The following WWTR1 variants were observed in gnomAD, a reference collection of about 807,000 sequenced individuals.
WWTR1 encodes WW domain-containing transcription regulator protein 1.
Under a neutral mutation model 40.1 loss-of-function variants are expected in WWTR1, and 13 were observed. The observed-to-expected ratio is 0.32, with a 90% CI of 0.21 to 0.52. The LOEUF is 0.52. Ranked by LOEUF, WWTR1 falls within the 20% of genes least tolerant of loss-of-function variation. The pLI is 0.97. For missense variants in WWTR1, 436 were observed against 523.1 expected (o/e 0.83, Z 1.63); for synonymous variants, 230 against 210.1 (o/e 1.09, Z -0.82).
At chr3:149,591,305 C>T (rs941009363) in intron 2 of WWTR1, among the ~76,000 whole-genome samples, 2 of 152,154 alleles carry the variant, frequency 1.3e-5, no homozygotes, top group South Asian at 2.1e-4. Context: ...TTCTTAAGGC[C>T]CTGCCACTTG....
chr3:149,521,527 C>T (rs1735045118), intron 6 of WWTR1, among the ~76,000 whole-genome samples: 1 of 152,184 alleles, frequency 6.6e-6, no homozygotes, highest in South Asian at 2.1e-4. Flanking sequence ...CTGCCTTTCT[C>T]ACAAGCATAT....
At chr3:149,580,894 G>A (rs1395287197) in intron 2 of WWTR1, among the ~76,000 whole-genome samples, 1 of 152,208 alleles carries the variant, frequency 6.6e-6, no homozygotes, top group South Asian at 2.1e-4. Context: ...TTATAGGCGT[G>A]AGCCACCGCG....
At chr3:149,586,799 A>G (rs574203603) in intron 2 of WWTR1, among the ~76,000 whole-genome samples, 30 of 152,328 alleles carry the variant, frequency 2.0e-4, no homozygotes, top group African/African-American at 7.2e-4. Flanking sequence ...TGAGCTGATC[A>G]CCAGTGATGA....
At chr3:149,646,494 A>T (rs905100161) in intron 2 of WWTR1, among the ~76,000 whole-genome samples, 2 of 152,246 alleles carry the variant, frequency 1.3e-5, no homozygotes, top group African/African-American at 2.4e-5. Context: ...TTCATAGGCC[A>T]GTTATAATTC....
chr3:149,555,500 G>A (rs561765946), intron 3 of WWTR1, among the ~76,000 whole-genome samples: 64 of 149,950 alleles, frequency 4.3e-4, no homozygotes, highest in African/African-American at 1.4e-3. Context: ...AAAAAAAAAC[G>A]AAAGAAGAAT....
At chr3:149,542,585 C>T in intron 3 of WWTR1, 48 bp from the exon 4 acceptor site, 1 of 1,530,762 alleles carries the variant, frequency 6.5e-7, no homozygotes, top group East Asian at 2.3e-5. Flanking sequence ...CCCACAATAC[C>T]TTATCAAAAA....
intron 2 of WWTR1, among the ~76,000 whole-genome samples, chr3:149,588,477 C>G (rs1249924567): frequency 1.3e-5 from 2 of 152,136 alleles, no homozygotes; most frequent in African/African-American, 2.4e-5. Flanking sequence ...TTGTTTCTAT[C>G]TTTAGTGTAT....
intron 1 of WWTR1, among the ~76,000 whole-genome samples, chr3:149,699,566 T>C (rs1226366460): frequency 6.6e-6 from 1 of 152,178 alleles, no homozygotes; most frequent in African/African-American, 2.4e-5. Context: ...GTGCTGGGAT[T>C]ACAGGCATGA....
At chr3:149,540,710 C>T (rs564529460) in intron 4 of WWTR1, among the ~76,000 whole-genome samples, 55 of 152,046 alleles carry the variant, frequency 3.6e-4, no homozygotes, top group Middle Eastern at 3.4e-3. Flanking sequence ...CTGAAATAAC[C>T]GTGAAAGTTC....
chr3:149,599,085 C>T (rs1739129898), intron 2 of WWTR1, among the ~76,000 whole-genome samples: 1 of 152,166 alleles, frequency 6.6e-6, no homozygotes, highest in African/African-American at 2.4e-5. Flanking sequence ...GGTAAAGATT[C>T]CAAAATGGCA....
At chr3:149,693,730 AC>A (rs1417489649) in intron 1 of WWTR1, among the ~76,000 whole-genome samples, 2 of 152,216 alleles carry the variant, frequency 1.3e-5, no homozygotes, top group Non-Finnish European at 2.9e-5. Context: ...GGTACCAAGA[AC>A]ATACACTGGG....
chr3:149,610,847 T>C (rs922408604), intron 2 of WWTR1, among the ~76,000 whole-genome samples: 2 of 152,104 alleles, frequency 1.3e-5, no homozygotes, highest in African/African-American at 4.8e-5. Flanking sequence ...CTGCTGTTCA[T>C]AAGAAGCCTT....
At chr3:149,594,936 T>C (rs1738913051) in intron 2 of WWTR1, among the ~76,000 whole-genome samples, 1 of 146,498 alleles carries the variant, frequency 6.8e-6, no homozygotes, top group Non-Finnish European at 1.5e-5. Flanking sequence ...ATATTGCCTA[T>C]AACCTCTTTT....
chr3:149,539,347 T>A (rs1735979507), intron 4 of WWTR1, among the ~76,000 whole-genome samples: 1 of 152,228 alleles, frequency 6.6e-6, no homozygotes, highest in Non-Finnish European at 1.5e-5. Context: ...TAAATTCATC[T>A]ACTTATTAAA....
chr3:149,661,265 T>A (rs1482994613), upstream of WWTR1: 2 of 152,328 alleles, frequency 1.3e-5, no homozygotes, highest in Non-Finnish European at 2.9e-5. Context: ...TGCAAACACA[T>A]CAGTGACCAC....
chr3:149,680,678 A>AAAT (rs946834060), intron 1 of WWTR1, among the ~76,000 whole-genome samples: 2 of 152,096 alleles, frequency 1.3e-5, no homozygotes, highest in Non-Finnish European at 2.9e-5. Context: ...TAAAAAAAAA[A>AAAT]AAATGAAAAA....
chr3:149,706,109 T>C (rs557496921), upstream of WWTR1, among the ~76,000 whole-genome samples: 19 of 152,234 alleles, frequency 1.2e-4, no homozygotes, highest in East Asian at 2.5e-3. Flanking sequence ...GGCAGGAGGA[T>C]TGCTTGTGCC....
At chr3:149,592,340 T>C (rs1738769063) in intron 2 of WWTR1, among the ~76,000 whole-genome samples, 1 of 152,252 alleles carries the variant, frequency 6.6e-6, no homozygotes, top group African/African-American at 2.4e-5. Context: ...ATTTATGGTA[T>C]TTATTACAAG....
upstream of WWTR1, chr3:149,658,079 C>T (rs1319575872): frequency 1.3e-5 from 2 of 152,538 alleles, no homozygotes; most frequent in Non-Finnish European, 2.9e-5. Context: ...GAGGCGGGCC[C>T]GAAAGTTGAG....
Sources: allele counts gnomAD v4.1 joint callset (sites outside exome capture counted in the v4.1 genomes callset), GRCh38; gene constraint gnomAD v4.1.1; transcripts MANE v1.5; gene names NCBI Gene and HGNC (gene_info 2026-07-23, HGNC 2026-07-21).